LRRC7: variants seen among roughly 807,000 people sequenced by gnomAD.
LRRC7 encodes the protein leucine-rich repeat-containing protein 7.
In LRRC7, 23 loss-of-function variants were observed where a neutral mutation model predicts 175.7. The observed-to-expected ratio is 0.13, with a 90% confidence interval of 0.09 to 0.19. LRRC7 has a LOEUF of 0.19. Ranked by LOEUF, LRRC7 falls within the 10% of genes least tolerant of loss-of-function variation. The pLI is 1.00. For missense variants in LRRC7, 1,354 were observed against 1,904.7 expected (o/e 0.71, Z 5.38); for synonymous variants, 685 against 680.9 (o/e 1.01, Z -0.09).
chr1:69,778,988 A>G (rs1189725206), intron 3 of LRRC7, among the ~76,000 whole-genome samples: 1 of 150,282 alleles, frequency 6.7e-6, no homozygotes, highest in Admixed American at 6.8e-5. Flanking sequence ...ACACACACTC[A>G]TATATATACA....
rs533538641 is a variant in LRRC7, at chr1:70,078,445, A to C, written c.4452+2147A>C. 3.8e-4 allele frequency among the ~76,000 whole-genome samples: 58 copies of C among 152,310 alleles called. No individual in the cohort carries two copies. In the South Asian group the frequency reaches 0.011, roughly 28 times the overall value. ...AGTTGTGGGAAAAATTATACCAGGA[A>C]CATCAGCAAACACTCCAAATTAGGG... On this transcript the variant is annotated intron_variant, in intron 24 of 26. Transcript: ENST00000651989.
intron 7 of LRRC7, among the ~76,000 whole-genome samples, chr1:69,869,949 C>T (rs556701251): frequency 6.6e-6 from 1 of 152,226 alleles, no homozygotes; most frequent in Admixed American, 6.5e-5. Flanking sequence ...GAAACTGTCA[C>T]TATGTCCATT....
Position 69,781,727 on chromosome 1 carries a change from GAA to G in LRRC7, c.304-10314_304-10313del, listed in dbSNP as rs571691186. Among the ~76,000 whole-genome samples, 54 of 30,450 alleles carry G rather than the reference GAA, an allele frequency of 1.8e-3. 3 individuals carry two copies. The highest frequency in any genetic ancestry group is 0.017 in the East Asian group (10 of 606). The allele number at this position is 30,450 out of a possible 152,430, so 20.0% of individuals were successfully genotyped here. ...AGAAAGAAAGAAAGAAAGAAAGAAA[GAA>G]AGAAAGAGAGAGAGAGAGAGAGAGA... On this transcript the variant is annotated intron_variant, in intron 3 of 26. Coordinates refer to ENST00000651989, the MANE Select transcript of LRRC7 (RefSeq NM_001370785.2).
chr1:69,717,927 G>GA lies in LRRC7; in HGVS notation c.100+39453dup, dbSNP rs1302253106. 3.3e-4 allele frequency among the ~76,000 whole-genome samples: 3 copies of GA among 9,102 alleles called. 1 individual carries two copies. The highest frequency in any genetic ancestry group is 2.0e-3 in the African/African-American group (3 of 1,526). The allele number at this position is 9,102 out of a possible 152,430, so 6.0% of individuals were successfully genotyped here. A position where few individuals can be genotyped will look rare whatever the true frequency, so the allele number is the denominator to read the frequency against. ...GGAGGGAGAGAAAGAGAGAAAAAAA[G>GA]AAAAGAAAGAAAGAAAGAAAGAAAG... On this transcript the variant is annotated intron_variant, in intron 2 of 26. Transcript: ENST00000651989.
At chr1:69,749,022 A>G (rs1028895547) in intron 2 of LRRC7, among the ~76,000 whole-genome samples, 2 of 152,184 alleles carry the variant, frequency 1.3e-5, no homozygotes, top group African/African-American at 2.4e-5. Flanking sequence ...TTCAAGAAAC[A>G]TAGGTGGAAT....
chr1:69,644,652 A>G (rs1425991375), intron 1 of LRRC7, among the ~76,000 whole-genome samples: 6 of 152,168 alleles, frequency 3.9e-5, no homozygotes, highest in South Asian at 2.1e-4. Context: ...CGTTCAAAAA[A>G]TACTGGAAGA....
chr1:69,612,423 C>G (rs1195894659), intron 1 of LRRC7, among the ~76,000 whole-genome samples: 1 of 152,004 alleles, frequency 6.6e-6, no homozygotes, highest in African/African-American at 2.4e-5. Context: ...AATTAGGTTA[C>G]TGGACATTCT....
At position 70,125,313 on chromosome 1, in the gene LRRC7, A is replaced by G. The variant is rs1172247058; in HGVS notation, c.*3426A>G. On this transcript the variant is annotated 3_prime_UTR_variant, in exon 27 of 27. Coordinates refer to ENST00000651989, the MANE Select transcript of LRRC7 (RefSeq NM_001370785.2). Reference sequence around the variant, plus strand: ...ACTTTTGTTCCAACCTAGTACATAGATGTAAAACAATCTCAGTTGTTTCTG... The same window carrying G: ...ACTTTTGTTCCAACCTAGTACATAGGTGTAAAACAATCTCAGTTGTTTCTG... Among the ~76,000 whole-genome samples, 1 of 152,230 alleles carries G rather than the reference A, an allele frequency of 6.6e-6. No individual in the cohort carries two copies. Among genetic ancestry groups the G allele is most frequent in the Non-Finnish European group, 1.5e-5 (1 of 68,030 alleles).
At chr1:69,898,379 G>A (rs1445987514) in intron 7 of LRRC7, among the ~76,000 whole-genome samples, 1 of 152,200 alleles carries the variant, frequency 6.6e-6, no homozygotes, top group Non-Finnish European at 1.5e-5. Flanking sequence ...GGGAGATTAT[G>A]AAGAATATTG....
intron 19 of LRRC7, 40 bp downstream of exon 19, chr1:70,036,272 G>A: frequency 1.3e-6 from 2 of 1,524,612 alleles, no homozygotes; most frequent in Non-Finnish European, 1.8e-6. Flanking sequence ...TGCTACAAAT[G>A]CATGTGCATG....
chr1:69,582,110 A>G (rs1325020784), intron 1 of LRRC7, among the ~76,000 whole-genome samples: 1 of 152,168 alleles, frequency 6.6e-6, no homozygotes, highest in Non-Finnish European at 1.5e-5. Context: ...CATTTAAGAC[A>G]TGCTGTAAAT....
chr1:69,884,406 G>A (rs1415268193), intron 7 of LRRC7, among the ~76,000 whole-genome samples: 2 of 95,630 alleles, frequency 2.1e-5, no homozygotes, highest in Non-Finnish European at 4.4e-5. Context: ...TCATGATTTG[G>A]CTCTCTGTTT....
At chr1:69,620,963 G>C (rs1243087767) in intron 1 of LRRC7, among the ~76,000 whole-genome samples, 1 of 151,982 alleles carries the variant, frequency 6.6e-6, no homozygotes, top group Non-Finnish European at 1.5e-5. Context: ...AAATCCCCTG[G>C]AATTAGAATT....
At chr1:69,793,186 T>C (rs1426692832) in intron 4 of LRRC7, among the ~76,000 whole-genome samples, 1 of 152,042 alleles carries the variant, frequency 6.6e-6, no homozygotes, top group Non-Finnish European at 1.5e-5. Flanking sequence ...AAACAAGAAA[T>C]TGTAGATGAT....
intron 2 of LRRC7, among the ~76,000 whole-genome samples, chr1:69,714,564 G>A (rs1201199236): frequency 6.6e-6 from 1 of 152,186 alleles, no homozygotes; most frequent in Non-Finnish European, 1.5e-5. Flanking sequence ...TCTGGACTTT[G>A]ATGAGAGTGA....
intron 1 of LRRC7, among the ~76,000 whole-genome samples, chr1:69,642,845 T>G (rs1384903365): frequency 6.6e-6 from 1 of 151,912 alleles, no homozygotes; most frequent in Non-Finnish European, 1.5e-5. Context: ...GATAGATAGA[T>G]AGATAGATAG....
chr1:70,048,605 A>G (rs1660515033), intron 22 of LRRC7, among the ~76,000 whole-genome samples: 1 of 152,168 alleles, frequency 6.6e-6, no homozygotes, highest in Admixed American at 6.6e-5. Flanking sequence ...CATCTTCAAA[A>G]TAATCTAGAG....
Position 69,646,628 on chromosome 1 carries a change from G to T in LRRC7, c.3-31753G>T, listed in dbSNP as rs746352374. ...AGGGAAGCTGCTGCCATTAAAGACA[G>T]GAATGTTGGTCTTTGAGCATTCCTA... On this transcript the variant is annotated intron_variant, in intron 1 of 26. Coordinates refer to ENST00000651989, the MANE Select transcript of LRRC7 (RefSeq NM_001370785.2). Among the ~76,000 whole-genome samples the T allele has an allele frequency of 2.0e-5, 3 of 152,102 alleles. No individual in the cohort carries two copies. The South Asian group carries it at 6.2e-4, about 31-fold the overall frequency.
intron 3 of LRRC7, among the ~76,000 whole-genome samples, chr1:69,773,692 G>T (rs1190310496): frequency 5.3e-5 from 8 of 152,092 alleles, no homozygotes; most frequent in Admixed American, 2.0e-4. Context: ...AGCTAAGAAG[G>T]CAGGAAATGC....
Sources: allele counts gnomAD v4.1 joint callset (sites outside exome capture counted in the v4.1 genomes callset), GRCh38; gene constraint gnomAD v4.1.1; transcripts MANE v1.5; gene names NCBI Gene and HGNC (gene_info 2026-07-23, HGNC 2026-07-21).